SLC2A13: variants seen among roughly 807,000 people sequenced by gnomAD.
SLC2A13 encodes the protein solute carrier family 2 member 13, also known as proton myo-inositol cotransporter.
Under a neutral mutation model 64.4 loss-of-function variants are expected in SLC2A13, and 32 were observed. The ratio of observed to expected loss-of-function variants is 0.50; its 90% CI spans 0.37 to 0.67. SLC2A13 has a LOEUF of 0.67. SLC2A13 is among the 30% of genes least tolerant of loss of function. SLC2A13 has a pLI of 0.00. For missense variants in SLC2A13, 743 were observed against 829.2 expected, an observed-to-expected ratio of 0.90 and a Z score of 1.28; for synonymous variants, 338 against 327.1, an observed-to-expected ratio of 1.03 and a Z score of -0.36.
intron 7 of SLC2A13, among the ~76,000 whole-genome samples, chr12:39,798,504 G>C (rs1592147408): frequency 6.6e-6 from 1 of 152,318 alleles, no homozygotes; most frequent in Middle Eastern, 3.4e-3. Context: ...AGATCCCCAA[G>C]TAACTATTAA....
At chr12:40,033,614 C>G (rs190816881) in intron 2 of SLC2A13, among the ~76,000 whole-genome samples, 2 of 152,188 alleles carry the variant, frequency 1.3e-5, no homozygotes, top group African/African-American at 4.8e-5. Context: ...AAATAGCTGA[C>G]TACTAGTTAA....
chr12:39,825,272 A>G (rs1166879111), intron 7 of SLC2A13, among the ~76,000 whole-genome samples: 1 of 152,106 alleles, frequency 6.6e-6, no homozygotes, highest in East Asian at 1.9e-4. Flanking sequence ...ATATATGGAG[A>G]GTCAGGAGGT....
intron 1 of SLC2A13, among the ~76,000 whole-genome samples, chr12:40,099,126 T>C (rs1171653777): frequency 6.6e-6 from 1 of 152,246 alleles, no homozygotes; most frequent in Non-Finnish European, 1.5e-5. Context: ...AGTTTAGAAG[T>C]ACCCGTAAAA....
chr12:39,939,269 A>C (rs192236931), intron 4 of SLC2A13, among the ~76,000 whole-genome samples: 1 of 152,224 alleles, frequency 6.6e-6, no homozygotes, highest in African/African-American at 2.4e-5. Flanking sequence ...GGCAACCTAA[A>C]CAGAGACAGG....
chr12:39,787,804 C>A (rs974780685), intron 7 of SLC2A13, among the ~76,000 whole-genome samples: 6 of 152,114 alleles, frequency 3.9e-5, no homozygotes, highest in Non-Finnish European at 7.4e-5. Flanking sequence ...TTTTAATTTT[C>A]TCGTTATCTA....
intron 3 of SLC2A13, among the ~76,000 whole-genome samples, chr12:39,984,051 C>T (rs1366055192): frequency 6.6e-6 from 1 of 151,800 alleles, no homozygotes; most frequent in Non-Finnish European, 1.5e-5. Context: ...AAATTGGAAA[C>T]CATCATTCTC....
intron 7 of SLC2A13, among the ~76,000 whole-genome samples, chr12:39,828,886 A>T: frequency 6.6e-6 from 1 of 152,048 alleles, no homozygotes; most frequent in Non-Finnish European, 1.5e-5. Context: ...CACTAATTGT[A>T]TTTCTTTTAC....
chr12:39,970,577 C>T (rs1946629325), intron 3 of SLC2A13, among the ~76,000 whole-genome samples: 1 of 152,176 alleles, frequency 6.6e-6, no homozygotes, highest in South Asian at 2.1e-4. Context: ...ACCCTTAATG[C>T]AGGCCATCTC....
intron 4 of SLC2A13, among the ~76,000 whole-genome samples, chr12:39,949,287 T>C (rs1233941270): frequency 6.6e-6 from 1 of 152,242 alleles, no homozygotes; most frequent in African/African-American, 2.4e-5. Context: ...TTTTACATCA[T>C]GTAGACACAG....
At position 40,069,941 on chromosome 12, in the gene SLC2A13, A is replaced by G. The variant is rs538566518; in HGVS notation, c.557-21731T>C. On this transcript the variant is annotated intron_variant, in intron 1 of 9. Coordinates refer to ENST00000280871, the MANE Select transcript of SLC2A13 (RefSeq NM_052885.4). ...TATTTGTCATTGTTACAAAAACATT[A>G]CTATCACCATGGTTCCTTTCCTTAA... is the stretch of plus-strand genomic sequence containing the variant. Among the ~76,000 whole-genome samples, 3 of 152,260 alleles carry G rather than the reference A, an allele frequency of 2.0e-5. No homozygotes were observed. The South Asian group carries it at 6.2e-4, about 32-fold the overall frequency.
chr12:39,823,310 T>C (rs1439488990), intron 7 of SLC2A13, among the ~76,000 whole-genome samples: 1 of 152,238 alleles, frequency 6.6e-6, no homozygotes, highest in Non-Finnish European at 1.5e-5. Context: ...TGGAGGTTTT[T>C]CTATCCCTTA....
chr12:39,909,849 C>T (rs1945384499), intron 4 of SLC2A13, among the ~76,000 whole-genome samples: 1 of 148,450 alleles, frequency 6.7e-6, no homozygotes, highest in South Asian at 2.1e-4. Flanking sequence ...CATTACTCTT[C>T]TTACAGTTTG....
chr12:39,937,988 G>A (rs57095253), intron 4 of SLC2A13, among the ~76,000 whole-genome samples: 8,608 of 152,186 alleles, frequency 0.057, 406 homozygotes, highest in East Asian at 0.26. Flanking sequence ...ATAGAGACAT[G>A]CATAAAAGAA....
In SLC2A13 at chr12:39,902,675, C is replaced by T. The variant is rs568801986; in HGVS notation, c.1035-30714G>A. On this transcript the variant is annotated intron_variant, in intron 4 of 9. Transcript: ENST00000280871. ...GGTAAAGGCTAACTTTTTCTTTTTG[C>T]ACTGCCTTATAACTAAAATATCCCA... Among the ~76,000 whole-genome samples, 79 of 152,130 alleles carry T rather than the reference C, an allele frequency of 5.2e-4. 1 individual carries two copies. Among genetic ancestry groups the T allele is most frequent in the Non-Finnish European group, 7.9e-4 (54 of 67,970 alleles).
At chr12:39,808,722 A>G (rs1322836066) in intron 7 of SLC2A13, among the ~76,000 whole-genome samples, 1 of 152,074 alleles carries the variant, frequency 6.6e-6, no homozygotes, top group African/African-American at 2.4e-5. Flanking sequence ...CCATCTTTTT[A>G]TAGTCTTTTG....
At chr12:39,785,092 T>C (rs1294269492) in intron 7 of SLC2A13, among the ~76,000 whole-genome samples, 4 of 152,164 alleles carry the variant, frequency 2.6e-5, no homozygotes, top group African/African-American at 9.7e-5. Context: ...GAAATTTGCA[T>C]AAGTAGCAAG....
chr12:40,043,009 T>G (rs1948114907), intron 2 of SLC2A13, among the ~76,000 whole-genome samples: 1 of 149,146 alleles, frequency 6.7e-6, no homozygotes, highest in African/African-American at 2.5e-5. Flanking sequence ...ATATGGTTGG[T>G]TTATAAGCTT....
At chr12:39,988,564 AAG>A (rs1023141470) in intron 3 of SLC2A13, among the ~76,000 whole-genome samples, 4 of 150,312 alleles carry the variant, frequency 2.7e-5, no homozygotes, top group Non-Finnish European at 4.4e-5. Context: ...GAAAGAAAGA[AAG>A]AGAAAAAGAA....
chr12:40,030,583 A>G (rs1214691890), intron 2 of SLC2A13, among the ~76,000 whole-genome samples: 1 of 152,218 alleles, frequency 6.6e-6, no homozygotes, highest in East Asian at 1.9e-4. Flanking sequence ...ATAGAAAAGC[A>G]GCAGATAATA....
Sources: allele counts gnomAD v4.1 joint callset (sites outside exome capture counted in the v4.1 genomes callset), GRCh38; gene constraint gnomAD v4.1.1; transcripts MANE v1.5; gene names NCBI Gene and HGNC (gene_info 2026-07-23, HGNC 2026-07-21).